The following AZIN1 variants were observed in gnomAD, a reference collection of about 807,000 sequenced individuals.
The protein encoded by AZIN1 is ornithine decarboxylase antizyme inhibitor.
AZIN1 carries 12 observed loss-of-function variants against 47.4 expected under a neutral mutation model. The observed-to-expected ratio is 0.25, with a 90% CI of 0.16 to 0.41. The LOEUF (loss-of-function observed/expected upper bound fraction) is 0.41, where lower values mean the gene tolerates loss of function less well. Ranked by LOEUF, AZIN1 falls within the 10% of genes least tolerant of loss-of-function variation. AZIN1 has a pLI of 1.00. For missense variants in AZIN1, 410 were observed against 532.4 expected (o/e 0.77, Z 2.26); for synonymous variants, 155 against 176.3 (o/e 0.88, Z 0.96).
chr8:102,826,889 G>A lies in AZIN1; in HGVS notation c.*1678C>T, dbSNP rs1483506548. On this transcript the variant is annotated 3_prime_UTR_variant, in exon 12 of 12. Coordinates refer to ENST00000337198, the MANE Select transcript of AZIN1 (RefSeq NM_148174.4). ...AAACCCCATAATATACCTTGGAAAAGTCCAAGGGCAATTTGATGGCAATGG... is the reference window on the plus strand; with the variant it reads ...AAACCCCATAATATACCTTGGAAAAATCCAAGGGCAATTTGATGGCAATGG... 1 of 152,544 alleles carries A rather than the reference G, an allele frequency of 6.6e-6. No individual in the cohort carries two copies. The highest frequency in any genetic ancestry group is 1.5e-5 in the Non-Finnish European group (1 of 68,020). The allele number at this position is 152,544 out of a possible 1,614,324, so 9.4% of individuals were successfully genotyped here.
intron 8 of AZIN1, among the ~76,000 whole-genome samples, 200 bp from the exon 9 acceptor site, chr8:102,833,418 G>A (rs967862199): frequency 6.6e-6 from 1 of 151,954 alleles, no homozygotes; most frequent in African/African-American, 2.4e-5. Context: ...CTATCAGAAT[G>A]GCATTAATTT....
At chr8:102,857,235 T>C (rs1175894526) in intron 2 of AZIN1, among the ~76,000 whole-genome samples, 1 of 152,208 alleles carries the variant, frequency 6.6e-6, no homozygotes, top group South Asian at 2.1e-4. Context: ...TTTTATCGAA[T>C]AGGGATCTGT....
At chr8:102,836,072 A>G (rs1179317170) in intron 6 of AZIN1, among the ~76,000 whole-genome samples, 184 bp downstream of exon 6, 1 of 152,220 alleles carries the variant, frequency 6.6e-6, no homozygotes, top group Non-Finnish European at 1.5e-5. Flanking sequence ...ACAGTATGAA[A>G]AGGGACAAGG....
chr8:102,862,527 G>A (rs1169376866), intron 1 of AZIN1, among the ~76,000 whole-genome samples: 1 of 152,058 alleles, frequency 6.6e-6, no homozygotes, highest in Non-Finnish European at 1.5e-5. Context: ...GCATCTGCAC[G>A]CTCTCGTATA....
intron 2 of AZIN1, among the ~76,000 whole-genome samples, chr8:102,857,509 C>A (rs1193499900): frequency 6.6e-6 from 1 of 151,884 alleles, no homozygotes; most frequent in Non-Finnish European, 1.5e-5. Context: ...CAAGTATAGT[C>A]AAAAACTATC....
Position 102,828,301 on chromosome 8 carries a change from A to C in AZIN1, c.*266T>G. 1 of 264,156 alleles carries C rather than the reference A, an allele frequency of 3.8e-6. No individual in the cohort carries two copies. The highest frequency in any genetic ancestry group is 6.7e-5 in the East Asian group (1 of 14,856). The allele number at this position is 264,156 out of a possible 1,614,324, so 16.4% of individuals were successfully genotyped here. A position where few individuals can be genotyped will look rare whatever the true frequency, so the allele number is the denominator to read the frequency against. On this transcript the variant is annotated 3_prime_UTR_variant, in exon 12 of 12. Coordinates refer to ENST00000337198, the MANE Select transcript of AZIN1 (RefSeq NM_148174.4). ...GGCTTCCATCTCCACTAAGTCATCC[A>C]TTTTGTTGCATATTTTATTTTAAAC...
chr8:102,834,088 G>T, intron 8 of AZIN1, 101 bp downstream of exon 8: 1 of 886,014 alleles, frequency 1.1e-6, no homozygotes, highest in Non-Finnish European at 1.8e-6. Flanking sequence ...GATGTTATAG[G>T]GTTTAGTTTC....
intron 1 of AZIN1, among the ~76,000 whole-genome samples, chr8:102,860,178 C>T (rs1254547007): frequency 6.6e-6 from 1 of 152,224 alleles, no homozygotes; most frequent in Non-Finnish European, 1.5e-5. Context: ...TGTATGTAAA[C>T]ACTGCAAATT....
intron 11 of AZIN1, 100 bp downstream of exon 11, chr8:102,829,172 G>T: frequency 9.7e-7 from 1 of 1,034,624 alleles, no homozygotes; most frequent in Non-Finnish European, 1.4e-6. Context: ...ATACATGACT[G>T]TACTTCTAAG....
At chr8:102,843,445 C>T in intron 3 of AZIN1, 106 bp downstream of exon 3, 1 of 919,816 alleles carries the variant, frequency 1.1e-6, no homozygotes, top group Non-Finnish European at 1.7e-6. Flanking sequence ...AATCAGATAG[C>T]ATATGAACCA....
At chr8:102,839,014 G>A (rs1812005411) in intron 4 of AZIN1, 98 bp from the exon 5 acceptor site, 1 of 1,085,816 alleles carries the variant, frequency 9.2e-7, no homozygotes, top group East Asian at 2.5e-5. Flanking sequence ...TTTAAAACCA[G>A]GGTCTCACTC....
At chr8:102,839,865 C>G in intron 3 of AZIN1, 42 bp from the exon 4 acceptor site, 1 of 1,459,662 alleles carries the variant, frequency 6.9e-7, no homozygotes, top group East Asian at 2.3e-5. Context: ...GAACAAAAAA[C>G]CATTGAAAAT....
intron 2 of AZIN1, among the ~76,000 whole-genome samples, chr8:102,857,540 C>A (rs561653853): frequency 1.3e-5 from 2 of 151,994 alleles, no homozygotes; most frequent in East Asian, 3.9e-4. Context: ...TGTTAAATAT[C>A]TATATTTTAA....
Position 102,838,856 on chromosome 8 carries a change from G to C in AZIN1, c.337C>G (p.Pro113Ala). The change falls in exon 5 of 12, where the codon CCT becomes GCT. Residue 113 changes from proline (P) to alanine (A), a missense_variant. By Grantham distance (27) the Pro-to-Ala change is conservative. Around this residue, in one of 3 missense-constraint regions of AZIN1, gnomAD observed 237 missense variants for 309.4 expected, o/e 0.77. Transcript: ENST00000337198. Reference protein sequence around the residue: ...VPPENIIYISPCKQVSQIKYA... With the variant: ...VPPENIIYISACKQVSQIKYA... ...TTTATCTGAGACACTTGCTTGCAAG[G>C]ACTTATGTAAATAATGTTTTCTGGA... 6.2e-7 allele frequency: 1 copy of C among 1,613,758 alleles called. No homozygotes were observed. Among genetic ancestry groups the C allele is most frequent in the Non-Finnish European group, 8.5e-7 (1 of 1,179,822 alleles).
chr8:102,856,363 ATTATCT>A (rs1813294440), intron 2 of AZIN1, among the ~76,000 whole-genome samples: 1 of 152,168 alleles, frequency 6.6e-6, no homozygotes, highest in African/African-American at 2.4e-5. Flanking sequence ...TGCAGAATAA[ATTATCT>A]TTAGCTTCTA....
intron 2 of AZIN1, among the ~76,000 whole-genome samples, chr8:102,851,141 ATATT>A (rs1304064295): frequency 6.6e-6 from 1 of 152,224 alleles, no homozygotes; most frequent in African/African-American, 2.4e-5. Flanking sequence ...CTCAAGTGAA[ATATT>A]TATATCCCTT....
intron 5 of AZIN1, among the ~76,000 whole-genome samples, chr8:102,838,020 G>A (rs1774736381): frequency 1.3e-5 from 2 of 152,102 alleles, no homozygotes; most frequent in South Asian, 2.1e-4. Flanking sequence ...TGCAGCCTCC[G>A]GCTCCTGGGT....
intron 5 of AZIN1, among the ~76,000 whole-genome samples, chr8:102,838,527 C>G (rs1811968253): frequency 6.6e-6 from 1 of 152,184 alleles, no homozygotes; most frequent in Admixed American, 6.5e-5. Flanking sequence ...TATCCCCAAA[C>G]TGCTCTTATT....
In AZIN1 at chr8:102,828,611, A is replaced by C. The variant is rs1811236441; in HGVS notation, c.1303T>G (p.Cys435Gly). ...MMKNFFFVPS[C>G]IQLSQEDSFS... ...CTGTCTTCTTGGCTCAGCTGAATGC[A>C]AGAAGGCACAAAGAAGAAGTTCTTC... Residue 435 changes from cysteine (C) to glycine (G), a missense_variant, in exon 12 of 12, where the codon TGC becomes GGC. Around this residue, in one of 3 missense-constraint regions of AZIN1, gnomAD observed 168 missense variants for 198.3 expected, o/e 0.85. Transcript: ENST00000337198. 1 of 1,612,004 alleles carries C rather than the reference A, an allele frequency of 6.2e-7. No homozygotes were observed. The highest frequency in any genetic ancestry group is 8.5e-7 in the Non-Finnish European group (1 of 1,178,320).
Sources: gnomAD v4.1 joint callset for allele counts (sites outside exome capture counted in the v4.1 genomes callset) on GRCh38, gnomAD v4.1.1 for gene constraint, gnomAD v4.1.1 regional missense constraint, MANE v1.5 for transcripts, NCBI Gene and HGNC (gene_info 2026-07-23, HGNC 2026-07-21) for gene names.